Variants in SMC6 observed in about 807,000 individuals in gnomAD.
SMC6 encodes structural maintenance of chromosomes 6.
A neutral mutation model predicts 142.2 loss-of-function variants in SMC6; 79 were observed. That is an observed-to-expected ratio of 0.56 (90% CI 0.46 to 0.67). SMC6 has a LOEUF of 0.67. SMC6 is among the 30% of genes least tolerant of loss of function. SMC6 has a pLI of 0.00. For synonymous variants in SMC6, 411 were observed against 412.4 expected (o/e 1.00, Z 0.04); for missense variants, 1,072 against 1,284.0 (o/e 0.83, Z 2.52).
At chr2:17,729,341 T>C (rs971030861) in intron 7 of SMC6, among the ~76,000 whole-genome samples, 1 of 152,176 alleles carries the variant, frequency 6.6e-6, no homozygotes. Context: ...AAGTAAACCA[T>C]GCAAGAAAAG....
chr2:17,750,366 C>T (rs1012580361), intron 2 of SMC6, among the ~76,000 whole-genome samples: 6 of 152,240 alleles, frequency 3.9e-5, no homozygotes, highest in Non-Finnish European at 7.3e-5. Context: ...TGAATAACTA[C>T]ATACTTAGCT....
At chr2:17,699,091 A>T (rs1269371565) in intron 21 of SMC6, among the ~76,000 whole-genome samples, 3 of 152,092 alleles carry the variant, frequency 2.0e-5, no homozygotes, top group Non-Finnish European at 4.4e-5. Context: ...AGTAAAGTCT[A>T]TTGCATTTTT....
intron 4 of SMC6, among the ~76,000 whole-genome samples, chr2:17,738,991 AC>A (rs1670294605): frequency 6.8e-6 from 1 of 147,996 alleles, no homozygotes; most frequent in African/African-American, 2.6e-5. Flanking sequence ...CTCCATGTGG[AC>A]AGGAATATTG....
At chr2:17,712,203 C>T (rs975333095) in intron 16 of SMC6, among the ~76,000 whole-genome samples, 2 of 152,164 alleles carry the variant, frequency 1.3e-5, no homozygotes, top group Non-Finnish European at 2.9e-5. Context: ...ATGCAATTAA[C>T]ATTTAGGAAC....
intron 3 of SMC6, among the ~76,000 whole-genome samples, chr2:17,744,943 T>G (rs1214872429): frequency 6.6e-6 from 1 of 152,232 alleles, no homozygotes. Context: ...TTATGACGTA[T>G]AATTCTTTTT....
chr2:17,752,564 C>CCTAGTGGCCTA (rs770456638), intron 2 of SMC6, among the ~76,000 whole-genome samples: 1 of 152,106 alleles, frequency 6.6e-6, no homozygotes, highest in Non-Finnish European at 1.5e-5. Flanking sequence ...CGCTTTTAGG[C>CCTAGTGGCCTA]AATATACTAG....
intron 25 of SMC6, among the ~76,000 whole-genome samples, chr2:17,677,710 T>C (rs1667061684): frequency 6.6e-6 from 1 of 152,032 alleles, no homozygotes; most frequent in Non-Finnish European, 1.5e-5. Context: ...TAAGCACAAT[T>C]CCTCCCAATA....
At chr2:17,677,156 CCTTATG>C (rs1223753106) in intron 25 of SMC6, among the ~76,000 whole-genome samples, 1 of 152,102 alleles carries the variant, frequency 6.6e-6, no homozygotes, top group Non-Finnish European at 1.5e-5. Flanking sequence ...GTCTTTATTA[CCTTATG>C]CTTGATATTT....
chr2:17,729,819 C>T (rs1357845257), intron 7 of SMC6, among the ~76,000 whole-genome samples: 1 of 152,124 alleles, frequency 6.6e-6, no homozygotes, highest in Non-Finnish European at 1.5e-5. Context: ...ACAAAAAAAC[C>T]ATTAAAAATT....
At chr2:17,666,009 T>A (rs1490876111) in intron 27 of SMC6, among the ~76,000 whole-genome samples, 1 of 152,218 alleles carries the variant, frequency 6.6e-6, no homozygotes, top group Non-Finnish European at 1.5e-5. Context: ...TTGACAATTG[T>A]AGGCACCCAA....
chr2:17,712,277 C>T (rs530778919), intron 16 of SMC6, among the ~76,000 whole-genome samples: 70 of 152,200 alleles, frequency 4.6e-4, no homozygotes, highest in Admixed American at 2.6e-3. Context: ...TTAAAAGAAA[C>T]GCAAATCAGA....
At chr2:17,746,923 C>T (rs1670779964) in intron 2 of SMC6, among the ~76,000 whole-genome samples, 1 of 151,728 alleles carries the variant, frequency 6.6e-6, no homozygotes, top group African/African-American at 2.4e-5. Context: ...TACTGAAATC[C>T]CCCAAATATT....
At chr2:17,687,125 T>C (rs1667491386) in intron 23 of SMC6, among the ~76,000 whole-genome samples, 1 of 152,206 alleles carries the variant, frequency 6.6e-6, no homozygotes, top group Non-Finnish European at 1.5e-5. Flanking sequence ...ATACACACCC[T>C]ATAGAGAAGG....
At chr2:17,737,657 C>T (rs1390497694) in intron 5 of SMC6, among the ~76,000 whole-genome samples, 1 of 152,182 alleles carries the variant, frequency 6.6e-6, no homozygotes, top group Non-Finnish European at 1.5e-5. Flanking sequence ...TATGACTATT[C>T]ACCAAGGGTC....
At chr2:17,739,845 G>GACACAC (rs776038205) in intron 4 of SMC6, among the ~76,000 whole-genome samples, 9,785 of 110,428 alleles carry the variant, frequency 0.089, 440 homozygotes, top group Middle Eastern at 0.15. Context: ...CACACACACA[G>GACACAC]ACACACACAC....
At chr2:17,739,987 C>T (rs917672465) in intron 4 of SMC6, among the ~76,000 whole-genome samples, 11 of 151,384 alleles carry the variant, frequency 7.3e-5, no homozygotes, top group African/African-American at 2.7e-4. Flanking sequence ...ATTATTAGCC[C>T]ATTATCTTCC....
chr2:17,691,374 A>ACT (rs1175592620), intron 23 of SMC6, among the ~76,000 whole-genome samples: 1 of 147,258 alleles, frequency 6.8e-6, no homozygotes, highest in Non-Finnish European at 1.5e-5. Context: ...GTGTATACAC[A>ACT]TTTTTCTTTC....
chr2:17,704,444 A>G (rs143154864), intron 18 of SMC6, among the ~76,000 whole-genome samples: 58 of 152,338 alleles, frequency 3.8e-4, no homozygotes, highest in African/African-American at 1.4e-3. Context: ...ATGAGTCTCC[A>G]TACAGCAGAG....
chr2:17,693,000 A>C lies in SMC6; in HGVS notation c.2678+2152T>G, dbSNP rs1027398024. On this transcript the variant is annotated intron_variant, in intron 23 of 27. Coordinates refer to ENST00000448223, the MANE Select transcript of SMC6 (RefSeq NM_001142286.2). The stretch of plus-strand genomic sequence containing the variant: ...TCAGAGAAATGCAAATCAAAACCAC[A>C]ATGAGACACCATCTCACACCAGTTA... 5.3e-5 allele frequency among the ~76,000 whole-genome samples: 8 copies of C among 152,158 alleles called. No individual in the cohort carries two copies. The South Asian group carries it at 6.2e-4, about 12-fold the overall frequency.
Sources: allele counts gnomAD v4.1 joint callset (sites outside exome capture counted in the v4.1 genomes callset), GRCh38; gene constraint gnomAD v4.1.1; transcripts MANE v1.5; gene names NCBI Gene and HGNC (gene_info 2026-07-23, HGNC 2026-07-21).